Variants in OPA3 observed in about 807,000 individuals in gnomAD.
The protein encoded by OPA3 is outer mitochondrial membrane lipid metabolism regulator OPA3.
Under a neutral mutation model 4.0 loss-of-function variants are expected in OPA3, and 6 were observed. The ratio of observed to expected loss-of-function variants is 1.51; its 90% CI spans 0.83 to 2.99. The LOEUF is 2.99. Ranked by LOEUF, OPA3 falls within the 30% of genes most tolerant of loss-of-function variation. The pLI is 0.00. For synonymous variants in OPA3, 105 were observed against 117.1 expected (o/e 0.90, Z 0.67); for missense variants, 235 against 256.2 (o/e 0.92, Z 0.56).
intron 1 of OPA3, among the ~76,000 whole-genome samples, chr19:45,564,426 T>A (rs1051001257): frequency 6.6e-6 from 1 of 152,032 alleles, no homozygotes; most frequent in African/African-American, 2.4e-5. Context: ...CCTCCTTGAC[T>A]GGGGGTAAAC....
chr19:45,568,031 C>T (rs529455696), intron 1 of OPA3, among the ~76,000 whole-genome samples: 1 of 152,238 alleles, frequency 6.6e-6, no homozygotes, highest in South Asian at 2.1e-4. Context: ...CACAGTCTCA[C>T]TCTATCACAC....
At chr19:45,580,483 G>A (rs1014451855) in intron 1 of OPA3, among the ~76,000 whole-genome samples, 11 of 151,076 alleles carry the variant, frequency 7.3e-5, no homozygotes, top group Admixed American at 2.6e-4. Context: ...AGTAGAGACG[G>A]GGTTTCTCCA....
intron 1 of OPA3, chr19:45,584,358 G>T (rs1421854524): frequency 1.7e-5 from 17 of 985,226 alleles, no homozygotes. Flanking sequence ...GGTTTAACAG[G>T]GCATCAGTCT....
chr19:45,531,262 A>G (rs1027601635), intron 1 of OPA3, among the ~76,000 whole-genome samples: 2 of 152,264 alleles, frequency 1.3e-5, no homozygotes, highest in African/African-American at 2.4e-5. Flanking sequence ...CATGTGAAGC[A>G]TTATCATTAA....
At chr19:45,554,101 G>A (rs1036026226) in intron 1 of OPA3, among the ~76,000 whole-genome samples, 190 bp from the exon 2 acceptor site, 1 of 152,154 alleles carries the variant, frequency 6.6e-6, no homozygotes, top group South Asian at 2.1e-4. Context: ...GAGGGGCCGC[G>A]CCCCAAGAGG....
Position 45,553,383 on chromosome 19 carries a change from G to T in OPA3, c.*131C>A. On this transcript the variant is annotated 3_prime_UTR_variant, in exon 2 of 2. Transcript: ENST00000263275. ...GTAACGGCTGCTCTTATCAGCAGGG[G>T]TAACCAAATGCCAAGTTGCATCAAG... 6.3e-7 allele frequency: 1 copy of T among 1,580,986 alleles called. No individual in the cohort carries two copies. The highest frequency in any genetic ancestry group is 8.5e-7 in the Non-Finnish European group (1 of 1,170,924).
intron 1 of OPA3, among the ~76,000 whole-genome samples, chr19:45,560,307 T>C (rs955275606): frequency 6.6e-6 from 1 of 152,130 alleles, no homozygotes; most frequent in African/African-American, 2.4e-5. Flanking sequence ...GGGTCCTCAC[T>C]GCATGGTGAC....
At chr19:45,572,371 CGATATATATCTCAT>C (rs1969685070) in intron 1 of OPA3, among the ~76,000 whole-genome samples, 1 of 121,080 alleles carries the variant, frequency 8.3e-6, no homozygotes, top group Non-Finnish European at 1.7e-5. Flanking sequence ...AGATATATAT[CGATATATATCTCAT>C]ATATATCAAC....
intron 1 of OPA3, 145 bp downstream of exon 1, chr19:45,584,478 T>A: frequency 3.7e-6 from 5 of 1,342,122 alleles, no homozygotes; most frequent in African/African-American, 1.5e-5. Context: ...CGTACGCCCC[T>A]CTATCAGAAA....
rs377431772 is a variant in OPA3 at position 45,550,858 on chromosome 19, A to G, written c.*2656T>C. 2.0e-6 allele frequency: 2 copies of G among 986,038 alleles called. No homozygotes were observed. The highest frequency in any genetic ancestry group is 2.4e-6 in the Non-Finnish European group (2 of 830,120). 61.1% of individuals were successfully genotyped at this position (986,038 alleles called of 1,614,324 possible). On this transcript the variant is annotated 3_prime_UTR_variant, in exon 2 of 2. Transcript: ENST00000263275. Reference sequence around the variant, plus strand: ...ACTGGGACCCACCCCCTCCCGCTTCAGTGGCAGATCCTGGAAGAGAAACCC... The same window carrying G: ...ACTGGGACCCACCCCCTCCCGCTTCGGTGGCAGATCCTGGAAGAGAAACCC...
Position 45,550,397 on chromosome 19 carries a change from G to GGCC in OPA3, c.*3116_*3117insGGC. 1.0e-6 allele frequency: 1 copy of GGCC among 984,820 alleles called. No individual in the cohort carries two copies. Among genetic ancestry groups the GGCC allele is most frequent in the Non-Finnish European group, 1.2e-6 (1 of 829,910 alleles). 61.0% of individuals were successfully genotyped at this position (984,820 alleles called of 1,614,324 possible). A position where few individuals can be genotyped will look rare whatever the true frequency, so the allele number is the denominator to read the frequency against. On this transcript the variant is annotated 3_prime_UTR_variant, in exon 2 of 2. Transcript: ENST00000263275. Reference sequence around the variant, plus strand: ...TGCTATGATCTCTGGTGTGATCTGGGGCTGCTCTGAGAGGGGATAGAGAGG... The same window carrying GGCC: ...TGCTATGATCTCTGGTGTGATCTGGGGCCGCTGCTCTGAGAGGGGATAGAGAGG...
chr19:45,567,403 T>C (rs940560868), intron 1 of OPA3, among the ~76,000 whole-genome samples: 6 of 148,670 alleles, frequency 4.0e-5, no homozygotes, highest in African/African-American at 1.2e-4. Flanking sequence ...AAGAAGTATC[T>C]CAGAAGTATC....
At chr19:45,555,821 G>A (rs1599967395) in intron 1 of OPA3, among the ~76,000 whole-genome samples, 1 of 151,918 alleles carries the variant, frequency 6.6e-6, no homozygotes, top group Admixed American at 6.6e-5. Context: ...ATAGAGATGG[G>A]GTTTATCAGT....
chr19:45,583,496 C>T (rs1442182796), intron 1 of OPA3, among the ~76,000 whole-genome samples: 3 of 150,518 alleles, frequency 2.0e-5, no homozygotes, highest in South Asian at 4.2e-4. Flanking sequence ...GTTTACTAAG[C>T]CCTTTATTTC....
At chr19:45,530,403 C>A (rs1386134615) in intron 1 of OPA3, among the ~76,000 whole-genome samples, 1 of 152,090 alleles carries the variant, frequency 6.6e-6, no homozygotes, top group African/African-American at 2.4e-5. Flanking sequence ...TCCCCCTCAA[C>A]CCCATGAACT....
At chr19:45,566,567 T>G (rs1204443289) in intron 1 of OPA3, among the ~76,000 whole-genome samples, 1 of 151,914 alleles carries the variant, frequency 6.6e-6, no homozygotes, top group Non-Finnish European at 1.5e-5. Flanking sequence ...GCCTCCTAGG[T>G]TCGAGTGATT....
At position 45,584,603 on chromosome 19, in the gene OPA3, G is replaced by A. The variant is rs745326007; in HGVS notation, c.142+20C>T. 11 of 1,614,186 alleles carry A rather than the reference G, an allele frequency of 6.8e-6. No homozygotes were observed. Among genetic ancestry groups the A allele is most frequent in the Admixed American group, 1.7e-5 (1 of 60,020 alleles). ...GTTGGAGAAAGGAAAAAGGTTGGAG[G>A]GAATTCGGGTCAGACTCACGTTGAG... On this transcript the variant is annotated intron_variant, in intron 1 of 1. Coordinates refer to ENST00000263275, the MANE Select transcript of OPA3 (RefSeq NM_025136.4).
Position 45,572,372 on chromosome 19 carries a change from G to A in OPA3, c.142+12251C>T, listed in dbSNP as rs559866245. On this transcript the variant is annotated intron_variant, in intron 1 of 1. Transcript: ENST00000263275. ...TATCGACATATATGAGATATATATC[G>A]ATATATATCTCATATATATCAACAT... Among the ~76,000 whole-genome samples, 57 of 118,486 alleles carry A rather than the reference G, an allele frequency of 4.8e-4. 1 individual carries two copies. The South Asian group carries it at 6.8e-3, about 14-fold the overall frequency. 77.7% of individuals were successfully genotyped at this position (118,486 alleles called of 152,430 possible).
intron 1 of OPA3, among the ~76,000 whole-genome samples, chr19:45,572,681 T>G (rs985772515): frequency 2.5e-4 from 33 of 130,710 alleles, no homozygotes; most frequent in African/African-American, 7.8e-4. Flanking sequence ...GATATATATC[T>G]ATATATATCA....
Sources: gnomAD v4.1 joint callset for allele counts (sites outside exome capture counted in the v4.1 genomes callset) on GRCh38, gnomAD v4.1.1 for gene constraint, MANE v1.5 for transcripts, NCBI Gene and HGNC (gene_info 2026-07-23, HGNC 2026-07-21) for gene names.